The following ARHGAP28 variants were observed in gnomAD, a reference collection of about 807,000 sequenced individuals.
The protein encoded by ARHGAP28 is Rho GTPase activating protein 28.
ARHGAP28 carries 56 observed loss-of-function variants against 90.7 expected under a neutral mutation model. The observed-to-expected ratio is 0.62, with a 90% CI of 0.50 to 0.77. The LOEUF (loss-of-function observed/expected upper bound fraction) is 0.77. Among genes scored for constraint, ARHGAP28 ranks in the 30% least tolerant of loss-of-function variants. The pLI, the probability that ARHGAP28 is intolerant of heterozygous loss-of-function variation, is 0.00. For synonymous variants in ARHGAP28, 308 were observed against 323.3 expected, an observed-to-expected ratio of 0.95 and a Z score of 0.51; for missense variants, 869 against 900.9, an observed-to-expected ratio of 0.96 and a Z score of 0.45.
At position 6,894,783 on chromosome 18, in the gene ARHGAP28, C is replaced by G. The variant is rs2057292701; in HGVS notation, c.1849-52C>G. On this transcript the variant is annotated intron_variant, in intron 14 of 17. Transcript: ENST00000383472. Reference sequence around the variant, plus strand: ...TTGTACCAGTTTACACTTCCAAAAGCAACATATGCTTGTTTTCTCAACATT... The same window carrying G: ...TTGTACCAGTTTACACTTCCAAAAGGAACATATGCTTGTTTTCTCAACATT... 2.6e-6 allele frequency: 4 copies of G among 1,526,664 alleles called. No homozygotes were observed. The East Asian group carries it at 6.9e-5, about 26-fold the overall frequency. 94.6% of individuals were successfully genotyped at this position (1,526,664 alleles called of 1,614,324 possible).
intron 1 of ARHGAP28, among the ~76,000 whole-genome samples, chr18:6,808,153 G>A (rs1026895014): frequency 2.3e-4 from 35 of 152,206 alleles, no homozygotes; most frequent in African/African-American, 7.5e-4. Flanking sequence ...ATTGGTCACA[G>A]GGGCTCTGTT....
At chr18:6,847,630 G>T (rs72876557) in intron 3 of ARHGAP28, among the ~76,000 whole-genome samples, 154 of 150,398 alleles carry the variant, frequency 1.0e-3, no homozygotes, top group East Asian at 3.5e-3. Context: ...AGAGAGTGGG[G>T]GTGTGTGTGT....
chr18:6,868,563 T>C (rs1015240732), intron 6 of ARHGAP28, among the ~76,000 whole-genome samples: 2 of 152,122 alleles, frequency 1.3e-5, no homozygotes, highest in Non-Finnish European at 2.9e-5. Context: ...AGGCCACTTC[T>C]GAGGATCCCT....
At chr18:6,822,606 C>A (rs1242206169) in intron 1 of ARHGAP28, among the ~76,000 whole-genome samples, 1 of 151,984 alleles carries the variant, frequency 6.6e-6, no homozygotes, top group Non-Finnish European at 1.5e-5. Flanking sequence ...GGTTATCAGA[C>A]AAAACTAGCT....
chr18:6,773,414 G>A (rs920933505), intron 1 of ARHGAP28, among the ~76,000 whole-genome samples: 3 of 152,206 alleles, frequency 2.0e-5, no homozygotes, highest in Admixed American at 1.3e-4. Context: ...TATAATGATA[G>A]CATGATCTTT....
intron 1 of ARHGAP28, among the ~76,000 whole-genome samples, chr18:6,730,930 A>C (rs1362113825): frequency 6.6e-6 from 1 of 152,064 alleles, no homozygotes; most frequent in East Asian, 1.9e-4. Context: ...TCCTAATTTA[A>C]TTGATTGTGA....
intron 3 of ARHGAP28, among the ~76,000 whole-genome samples, chr18:6,838,776 G>A (rs2056773810): frequency 1.3e-5 from 2 of 152,120 alleles, no homozygotes; most frequent in South Asian, 4.2e-4. Flanking sequence ...GAGCTATTTG[G>A]ACTTTCAACC....
chr18:6,778,644 C>T (rs990755124), intron 1 of ARHGAP28, among the ~76,000 whole-genome samples: 23 of 152,110 alleles, frequency 1.5e-4, no homozygotes, highest in Non-Finnish European at 1.5e-4. Context: ...TAGGATTTCT[C>T]GTGGAATTGC....
intron 1 of ARHGAP28, among the ~76,000 whole-genome samples, chr18:6,734,046 G>A (rs1176101443): frequency 6.6e-6 from 1 of 152,196 alleles, no homozygotes; most frequent in African/African-American, 2.4e-5. Flanking sequence ...ATAAGTATTT[G>A]TTGGGAGGAA....
chr18:6,830,371 A>G (rs1567962245), intron 2 of ARHGAP28, among the ~76,000 whole-genome samples: 1 of 152,018 alleles, frequency 6.6e-6, no homozygotes, highest in Non-Finnish European at 1.5e-5. Context: ...GTACACGTGC[A>G]GAACGTGCAA....
At chr18:6,779,863 C>T (rs1051996594) in intron 1 of ARHGAP28, among the ~76,000 whole-genome samples, 7 of 152,200 alleles carry the variant, frequency 4.6e-5, no homozygotes, top group African/African-American at 1.7e-4. Flanking sequence ...ATTCAACCAT[C>T]CTGCTACAAA....
At chr18:6,771,545 G>T (rs1000815337) in intron 1 of ARHGAP28, among the ~76,000 whole-genome samples, 4 of 152,126 alleles carry the variant, frequency 2.6e-5, no homozygotes, top group Admixed American at 2.6e-4. Flanking sequence ...TGAGATTCAG[G>T]ATCTTTCATC....
At chr18:6,865,731 A>T (rs1600262066) in intron 5 of ARHGAP28, among the ~76,000 whole-genome samples, 1 of 152,186 alleles carries the variant, frequency 6.6e-6, no homozygotes, top group Non-Finnish European at 1.5e-5. Flanking sequence ...ACTATAGCAG[A>T]TAGTACCAGG....
At chr18:6,842,740 G>A (rs979475094) in intron 3 of ARHGAP28, among the ~76,000 whole-genome samples, 2 of 152,080 alleles carry the variant, frequency 1.3e-5, no homozygotes, top group East Asian at 3.9e-4. Context: ...CCTGTGAATA[G>A]GAGTCTGGGC....
At chr18:6,854,721 A>C (rs1051756397) in intron 4 of ARHGAP28, among the ~76,000 whole-genome samples, 2 of 151,538 alleles carry the variant, frequency 1.3e-5, no homozygotes, top group African/African-American at 4.9e-5. Flanking sequence ...GCAGGGTGGG[A>C]GTCCTGTGCT....
At position 6,867,053 on chromosome 18, in the gene ARHGAP28, A is replaced by G. The variant is rs368217450; in HGVS notation, c.727-1097A>G. ...CAAACATTGGCCAGACAATGAACCT[A>G]CATGACCCTAGACCTTTTTTCGGTT... On this transcript the variant is annotated intron_variant, in intron 5 of 17. Transcript: ENST00000383472. Among the ~76,000 whole-genome samples, 37 of 152,336 alleles carry G rather than the reference A, an allele frequency of 2.4e-4. No homozygotes were observed. In the East Asian group the frequency reaches 7.0e-3, roughly 29 times the overall value.
At chr18:6,906,291 A>G (rs2057364417) in intron 16 of ARHGAP28, among the ~76,000 whole-genome samples, 1 of 152,198 alleles carries the variant, frequency 6.6e-6, no homozygotes, top group South Asian at 2.1e-4. Context: ...ACTATACATA[A>G]CATAAAAGTA....
At chr18:6,815,430 T>A (rs1183309616) in intron 1 of ARHGAP28, among the ~76,000 whole-genome samples, 1 of 152,088 alleles carries the variant, frequency 6.6e-6, no homozygotes, top group Non-Finnish European at 1.5e-5. Flanking sequence ...TTAAAAAAAA[T>A]AAAAGCAGGG....
rs151198339 is a variant in ARHGAP28 at position 6,864,914 on chromosome 18, G to A, written c.727-3236G>A. On this transcript the variant is annotated intron_variant, in intron 5 of 17. Coordinates refer to ENST00000383472, the MANE Select transcript of ARHGAP28 (RefSeq NM_001366230.1). ...TGCCCAGGCAGAACTTTATTTTTTA[G>A]AGCAGTTTCAGGTTCGCAGCAAAAT... Among the ~76,000 whole-genome samples, 393 of 152,058 alleles carry A rather than the reference G, an allele frequency of 2.6e-3. 3 individuals are homozygous for A. Among genetic ancestry groups the A allele is most frequent in the Middle Eastern group, 0.01 (3 of 294 alleles).
Sources: allele counts gnomAD v4.1 joint callset (sites outside exome capture counted in the v4.1 genomes callset), GRCh38; gene constraint gnomAD v4.1.1; transcripts MANE v1.5; gene names NCBI Gene and HGNC (gene_info 2026-07-23, HGNC 2026-07-21).